CUX2: variants seen among roughly 807,000 people sequenced by gnomAD.
CUX2 encodes homeobox protein cut-like 2.
Under a neutral mutation model 144.8 loss-of-function variants are expected in CUX2, and 40 were observed. That is an observed-to-expected ratio of 0.28 (90% CI 0.21 to 0.36). CUX2 has a LOEUF of 0.36. CUX2 is among the 10% of genes least tolerant of loss of function. The probability of loss-of-function intolerance (pLI) is 1.00; values close to 1 mark genes in which losing one functional copy is unlikely to be tolerated. For missense variants in CUX2, 1,615 were observed against 1,994.0 expected, an observed-to-expected ratio of 0.81 and a Z score of 3.62; for synonymous variants, 827 against 875.6, an observed-to-expected ratio of 0.94 and a Z score of 0.98.
chr12:111,214,804 T>C (rs1881441153), intron 2 of CUX2, among the ~76,000 whole-genome samples: 2 of 152,024 alleles, frequency 1.3e-5, no homozygotes, highest in Non-Finnish European at 2.9e-5. Context: ...CAACCAGCTA[T>C]GCCTTTTCTA....
chr12:111,293,497 G>T lies in CUX2; in HGVS notation c.488G>T (p.Arg163Leu), dbSNP rs1885804596. The part of the protein sequence containing the change: ...PAGPTLTEGS[R>L]LPGIPGKALL... ...GGGCCCACGCTGACCGAGGGAAGCC[G>T]CCTCCCAGGCATTCCCGGGAAAGCC... The change falls in exon 6 of 22, where the codon CGC (arginine) becomes CTC (leucine). Residue 163 changes from arginine to leucine, a missense_variant. Arg to Leu is a moderately radical substitution (Grantham distance 102, BLOSUM62 -2). This residue lies in a region of CUX2 where 295 missense variants were observed against 400.2 expected (regional missense o/e 0.74). Coordinates refer to ENST00000261726, the MANE Select transcript of CUX2 (RefSeq NM_015267.4). This position sits in a 1 kb window ranked among gnomAD's most constrained non-coding sequence, Gnocchi z 4.5. 1 of 1,607,674 alleles carries T rather than the reference G, an allele frequency of 6.2e-7. No homozygotes were observed. Among genetic ancestry groups the T allele is most frequent in the Non-Finnish European group, 8.5e-7 (1 of 1,178,262 alleles).
chr12:111,035,429 C>T lies in CUX2; in HGVS notation c.63+1189C>T, dbSNP rs1226044569. Among the ~76,000 whole-genome samples the T allele has an allele frequency of 1.3e-5, 2 of 151,982 alleles. No homozygotes were observed. The highest frequency in any genetic ancestry group is 2.9e-5 in the Non-Finnish European group (2 of 68,010). Reference sequence around the variant, plus strand: ...CGCGGCTCCGGCCTCTGTTCTTTCCCGGAGTGCCCCGGACGCGCCTGGCAA... The same window carrying T: ...CGCGGCTCCGGCCTCTGTTCTTTCCTGGAGTGCCCCGGACGCGCCTGGCAA... On this transcript the variant is annotated intron_variant, in intron 1 of 21. Transcript: ENST00000261726. This position sits in a 1 kb window ranked among gnomAD's most constrained non-coding sequence, Gnocchi z 6.0.
intron 1 of CUX2, among the ~76,000 whole-genome samples, chr12:111,157,754 A>ATTTGTT: frequency 2.6e-5 from 4 of 152,234 alleles, no homozygotes; most frequent in Non-Finnish European, 5.9e-5. Flanking sequence ...TCTGCCTCAT[A>ATTTGTT]AGTCATTCTT....
chr12:111,343,334 G>A (rs1257310569), intron 21 of CUX2, among the ~76,000 whole-genome samples: 1 of 152,064 alleles, frequency 6.6e-6, no homozygotes, highest in East Asian at 1.9e-4. Flanking sequence ...GAGCTTCCTA[G>A]GAGTTTTAGT....
At position 111,057,028 on chromosome 12, in the gene CUX2, GGTT is replaced by G. The variant is rs1408021913; in HGVS notation, c.63+22791_63+22793del. 6.6e-6 allele frequency among the ~76,000 whole-genome samples: 1 copy of G among 152,106 alleles called. No homozygotes were observed. The highest frequency in any genetic ancestry group is 1.9e-4 in the East Asian group (1 of 5,176). ...CCAAGCTGGAATGGTTGTGACAAGA[GGTT>G]GTGTGAGGGAATTCAGTGTGACAGG... On this transcript the variant is annotated intron_variant, in intron 1 of 21. Coordinates refer to ENST00000261726, the MANE Select transcript of CUX2 (RefSeq NM_015267.4). This position sits in a 1 kb window ranked among gnomAD's most constrained non-coding sequence, Gnocchi z 5.1.
In CUX2 at chr12:111,304,332, G is replaced by A; in HGVS notation, c.858+18G>A. ...CCAGTGGGGTAAGGATGGGGTTGGG[G>A]AAGTGAGCAGGGAGGGCAGAGGGAA... On this transcript the variant is annotated intron_variant, in intron 10 of 21. Transcript: ENST00000261726. The surrounding 1 kb of genome is among the most constrained non-coding windows in gnomAD (Gnocchi z 4.7). The A allele has an allele frequency of 6.3e-7, 1 of 1,598,598 alleles. No homozygotes were observed. The highest frequency in any genetic ancestry group is 8.6e-7 in the Non-Finnish European group (1 of 1,167,648).
chr12:111,159,800 G>A (rs1877634255), intron 1 of CUX2, among the ~76,000 whole-genome samples: 1 of 152,204 alleles, frequency 6.6e-6, no homozygotes. Context: ...CAAGGCGGGT[G>A]GATCACCTGA....
chr12:111,162,481 C>T (rs914335746), intron 1 of CUX2, among the ~76,000 whole-genome samples: 14 of 152,192 alleles, frequency 9.2e-5, no homozygotes, highest in Non-Finnish European at 1.2e-4. Context: ...CTGGGATGTG[C>T]GGCCTTGGCC....
intron 1 of CUX2, among the ~76,000 whole-genome samples, chr12:111,087,051 A>C (rs1171532402): frequency 6.6e-6 from 1 of 152,180 alleles, no homozygotes; most frequent in East Asian, 1.9e-4. Flanking sequence ...CTACCGTAAC[A>C]AGGGACTTAC....
intron 17 of CUX2, among the ~76,000 whole-genome samples, chr12:111,321,646 C>T (rs1021651519): frequency 6.4e-4 from 97 of 152,060 alleles, no homozygotes; most frequent in African/African-American, 2.2e-3. Flanking sequence ...CACACCAGTG[C>T]ACTCCAGCCT....
At chr12:111,254,844 A>C (rs1227542446) in intron 3 of CUX2, among the ~76,000 whole-genome samples, 2 of 150,748 alleles carry the variant, frequency 1.3e-5, no homozygotes, top group African/African-American at 5.0e-5. Context: ...TGTTCCAGCC[A>C]AGCAGTCTTT....
chr12:111,280,953 C>T (rs535403387), intron 4 of CUX2, among the ~76,000 whole-genome samples: 1 of 152,296 alleles, frequency 6.6e-6, no homozygotes, highest in South Asian at 2.1e-4. Context: ...GTCCCACCAA[C>T]ATTTCCTGTG....
rs1592846632 is a variant in CUX2 at position 111,214,290 on chromosome 12, T to C, written c.154T>C (p.Phe52Leu). The change falls in exon 2 of 22, where the codon TTT becomes CTT. Residue 52 changes from phenylalanine to leucine, a missense_variant. Phe to Leu is a conservative substitution (Grantham distance 22, BLOSUM62 0). Around this residue, in one of 12 missense-constraint regions of CUX2, gnomAD observed 295 missense variants for 400.2 expected, o/e 0.74. Transcript: ENST00000261726. ...HKHLIELRREFKKNVPEEIRE... is the reference protein window; with the variant it reads ...HKHLIELRRELKKNVPEEIRE... ...ACATTTAATTGAACTCCGCCGGGAA[T>C]TTAAGAAAAATGTACCTGAGGTATG... is the stretch of plus-strand genomic sequence containing the variant. 1 of 1,604,694 alleles carries C rather than the reference T, an allele frequency of 6.2e-7. No homozygotes were observed. Among genetic ancestry groups the C allele is most frequent in the East Asian group, 2.2e-5 (1 of 44,544 alleles).
At chr12:111,223,641 G>T (rs1233076376) in intron 3 of CUX2, among the ~76,000 whole-genome samples, 1 of 152,198 alleles carries the variant, frequency 6.6e-6, no homozygotes, top group African/African-American at 2.4e-5. Flanking sequence ...GAGAGGTTCT[G>T]GGGGATAAGA....
Position 111,295,446 on chromosome 12 carries a change from G to A in CUX2, c.637+37G>A. The A allele has an allele frequency of 6.3e-7, 1 of 1,578,076 alleles. No homozygotes were observed. The highest frequency in any genetic ancestry group is 8.7e-7 in the Non-Finnish European group (1 of 1,155,800). On this transcript the variant is annotated intron_variant, in intron 7 of 21. Transcript: ENST00000261726. The surrounding 1 kb of genome is among the most constrained non-coding windows in gnomAD (Gnocchi z 5.0). ...CACCATGTGGCCTAGAGGGAGGACT[G>A]GGAGGGGACGGTAATGCTGTCAACG... is the stretch of plus-strand genomic sequence containing the variant.
chr12:111,044,500 T>G (rs1361904948), intron 1 of CUX2, among the ~76,000 whole-genome samples: 1 of 152,150 alleles, frequency 6.6e-6, no homozygotes, highest in Non-Finnish European at 1.5e-5. Context: ...TCTGAGACAA[T>G]TTCCAAACAC....
intron 19 of CUX2, among the ~76,000 whole-genome samples, chr12:111,335,252 G>A (rs1345171379): frequency 1.3e-5 from 2 of 151,452 alleles, no homozygotes; most frequent in Non-Finnish European, 2.9e-5. Context: ...AATTAACCAG[G>A]CGTGGTGGCA....
Position 111,338,575 on chromosome 12 carries a change from A to G in CUX2, c.3385+101A>G, listed in dbSNP as rs149704660. The G allele has an allele frequency of 1.4e-4, 153 of 1,125,012 alleles. 2 individuals are homozygous for G. The East Asian group carries it at 3.6e-3, about 27-fold the overall frequency. 69.7% of individuals were successfully genotyped at this position (1,125,012 alleles called of 1,614,324 possible). A position where few individuals can be genotyped will look rare whatever the true frequency, so the allele number is the denominator to read the frequency against. ...CATAAACCCAGGGCTCCCATGGTCC[A>G]GTCTCAGCCTACTATGGGACTGCAT... On this transcript the variant is annotated intron_variant, in intron 20 of 21. Transcript: ENST00000261726.
intron 16 of CUX2, among the ~76,000 whole-genome samples, chr12:111,318,379 T>G (rs1565915483): frequency 6.6e-6 from 1 of 150,438 alleles, no homozygotes; most frequent in Non-Finnish European, 1.5e-5. Context: ...CATAAGCCAC[T>G]GCTCCCAGCC....
Sources: gnomAD v4.1 joint callset for allele counts (sites outside exome capture counted in the v4.1 genomes callset) on GRCh38, gnomAD v4.1.1 for gene constraint, gnomAD v4.1.1 regional missense constraint, Gnocchi (gnomAD v3.1) non-coding constraint, MANE v1.5 for transcripts, NCBI Gene and HGNC (gene_info 2026-07-23, HGNC 2026-07-21) for gene names.